APC: variants seen among roughly 807,000 people sequenced by gnomAD.
APC encodes APC regulator of Wnt signaling pathway, also known as adenomatous polyposis coli protein.
Under a neutral mutation model 247.0 loss-of-function variants are expected in APC, and 72 were observed. That is an observed-to-expected ratio of 0.29 (90% CI 0.24 to 0.35). The LOEUF is 0.35. APC is among the 10% of genes least tolerant of loss of function. The pLI is 1.00. For missense variants in APC, 3,400 were observed against 3,360.7 expected (o/e 1.01, Z -0.29); for synonymous variants, 1,254 against 1,162.5 (o/e 1.08, Z -1.60).
rs776752564 is a variant in APC, at chr5:112,844,177, T to G, written c.*51T>G. 3.8e-5 allele frequency: 57 copies of G among 1,484,602 alleles called. No individual in the cohort carries two copies. The highest frequency in any genetic ancestry group is 5.2e-5 in the Non-Finnish European group (56 of 1,079,604). The allele number at this position is 1,484,602 out of a possible 1,614,324, so 92.0% of individuals were successfully genotyped here. On this transcript the variant is annotated 3_prime_UTR_variant, in exon 16 of 16. Transcript: ENST00000257430. ...AATTCTATGTTAATTACAACTGCTA[T>G]ATAGACATTTTGTTTCAAATGAAAC...
chr5:112,722,152 A>G (rs1217863028), intron 1 of APC, among the ~76,000 whole-genome samples: 2 of 152,244 alleles, frequency 1.3e-5, no homozygotes, highest in Non-Finnish European at 2.9e-5. Flanking sequence ...GTTTGAAGTT[A>G]CAGGGGAGTT....
intron 1 of APC, among the ~76,000 whole-genome samples, chr5:112,715,477 G>C (rs893864474): frequency 6.6e-6 from 1 of 152,174 alleles, no homozygotes; most frequent in Non-Finnish European, 1.5e-5. Flanking sequence ...GAGTGTTCAT[G>C]AGTGAGGTGG....
intron 1 of APC, among the ~76,000 whole-genome samples, chr5:112,715,471 G>A (rs1052881872): frequency 1.3e-5 from 2 of 152,168 alleles, no homozygotes; most frequent in African/African-American, 4.8e-5. Flanking sequence ...AGACCTGAGT[G>A]TTCATGAGTG....
At chr5:112,782,628 G>A (rs1218376452) in intron 6 of APC, among the ~76,000 whole-genome samples, 2 of 152,100 alleles carry the variant, frequency 1.3e-5, no homozygotes, top group Admixed American at 6.5e-5. Context: ...CCCTATCCCA[G>A]TCAGAAAGAT....
At chr5:112,775,570 C>A (rs1705356193) in intron 4 of APC, 59 bp from the exon 5 acceptor site, 2 of 1,015,924 alleles carry the variant, frequency 2.0e-6, no homozygotes, top group South Asian at 1.4e-5. Flanking sequence ...AAGTATTGCT[C>A]TTCTGCAGTC....
At chr5:112,795,113 G>A (rs1159839682) in intron 7 of APC, among the ~76,000 whole-genome samples, 2 of 152,088 alleles carry the variant, frequency 1.3e-5, no homozygotes, top group Admixed American at 1.3e-4. Flanking sequence ...TGCAACCTCC[G>A]CCTCCTGGGT....
chr5:112,804,418 C>G (rs1761152688), intron 8 of APC, among the ~76,000 whole-genome samples: 1 of 152,094 alleles, frequency 6.6e-6, no homozygotes, highest in African/African-American at 2.4e-5. Flanking sequence ...GAGTCTCGCT[C>G]TGTCAGCAGG....
chr5:112,735,316 C>T (rs1752322620), upstream of APC, among the ~76,000 whole-genome samples: 1 of 152,062 alleles, frequency 6.6e-6, no homozygotes, highest in Non-Finnish European at 1.5e-5. Flanking sequence ...GCTAGGACCA[C>T]AGGCGCGTGT....
rs748105555 is a variant in APC, at chr5:112,842,317, A to G, written c.6723A>G (p.Ser2241=). 1.9e-6 allele frequency: 3 copies of G among 1,613,860 alleles called. No homozygotes were observed. Among genetic ancestry groups the G allele is most frequent in the Non-Finnish European group, 2.5e-6 (3 of 1,179,790 alleles). The change falls in exon 16 of 16, where the codon TCA becomes TCG. Residue 2241 remains serine (S), a synonymous_variant. Transcript: ENST00000257430. The part of the protein sequence containing the change: ...IHIPGVRNSS[S]STSPVSKKGP... ...TTCCAGGAGTTCGAAATAGCTCCTC[A>G]AGTACAAGTCCTGTTTCTAAAAAAG...
chr5:112,781,930 C>T (rs890519681), intron 6 of APC, among the ~76,000 whole-genome samples: 6 of 152,016 alleles, frequency 3.9e-5, no homozygotes, highest in South Asian at 4.1e-4. Flanking sequence ...GTTTTTGTTT[C>T]GCCATGTTTG....
chr5:112,811,951 A>T (rs1762025134), intron 8 of APC, among the ~76,000 whole-genome samples: 1 of 152,142 alleles, frequency 6.6e-6, no homozygotes, highest in South Asian at 2.1e-4. Flanking sequence ...TTCTAAGTTC[A>T]CTTACGGCTA....
intron 1 of APC, 132 bp from the exon 2 acceptor site, chr5:112,754,741 C>A: frequency 1.3e-6 from 1 of 796,342 alleles, no homozygotes; most frequent in Non-Finnish European, 2.0e-6. Flanking sequence ...TGTTTTGAGA[C>A]CAAAAACTAG....
chr5:112,755,111 A>T, intron 2 of APC, 86 bp downstream of exon 2: 1 of 1,568,490 alleles, frequency 6.4e-7, no homozygotes. Context: ...CACTTTACTT[A>T]AAAGTGTATT....
intron 1 of APC, among the ~76,000 whole-genome samples, chr5:112,719,144 G>A (rs898565702): frequency 1.3e-5 from 2 of 151,988 alleles, no homozygotes; most frequent in Admixed American, 6.6e-5. Context: ...AACTGAGGAG[G>A]GACTGCAGAC....
intron 1 of APC, among the ~76,000 whole-genome samples, chr5:112,743,967 T>C (rs1282165986): frequency 6.6e-6 from 1 of 152,134 alleles, no homozygotes; most frequent in Non-Finnish European, 1.5e-5. Flanking sequence ...GCCTCCCAAG[T>C]AGCTAGGATT....
intron 1 of APC, among the ~76,000 whole-genome samples, chr5:112,749,359 A>G (rs1754037606): frequency 6.6e-6 from 1 of 152,184 alleles, no homozygotes; most frequent in East Asian, 1.9e-4. Flanking sequence ...AAGCATTTGT[A>G]TAAGATTGGA....
chr5:112,737,845 A>G, upstream of APC: 1 of 985,642 alleles, frequency 1.0e-6, no homozygotes, highest in Non-Finnish European at 1.2e-6. Context: ...GGCGCACGTG[A>G]CCGACATGTG....
intron 14 of APC, among the ~76,000 whole-genome samples, chr5:112,832,550 G>A (rs1462763860): frequency 6.6e-6 from 1 of 152,172 alleles, no homozygotes; most frequent in African/African-American, 2.4e-5. Flanking sequence ...GACATTCAAG[G>A]CCTGGCTTTT....
chr5:112,743,044 A>G (rs879297196), intron 1 of APC, among the ~76,000 whole-genome samples: 3 of 152,200 alleles, frequency 2.0e-5, no homozygotes, highest in Non-Finnish European at 4.4e-5. Flanking sequence ...TCAAGATATC[A>G]GTGGCTCTGC....
Sources: allele counts gnomAD v4.1 joint callset (sites outside exome capture counted in the v4.1 genomes callset), GRCh38; gene constraint gnomAD v4.1.1; transcripts MANE v1.5; gene names NCBI Gene and HGNC (gene_info 2026-07-23, HGNC 2026-07-21).